The following USP33 variants were observed in gnomAD, a reference collection of about 807,000 sequenced individuals.
USP33 encodes the protein ubiquitin carboxyl-terminal hydrolase 33.
In USP33, 46 loss-of-function variants were observed where a neutral mutation model predicts 124.2. That is an observed-to-expected ratio of 0.37 (90% CI 0.29 to 0.47). The LOEUF is 0.47. USP33 is among the 20% of genes least tolerant of loss of function. The pLI, the probability that USP33 is intolerant of heterozygous loss-of-function variation, is 0.99. For synonymous variants in USP33, 350 were observed against 352.3 expected, an observed-to-expected ratio of 0.99 and a Z score of 0.07; for missense variants, 851 against 1,070.6, an observed-to-expected ratio of 0.79 and a Z score of 2.86.
At chr1:77,704,873 A>G (rs1319348008) in intron 21 of USP33, among the ~76,000 whole-genome samples, 1 of 152,182 alleles carries the variant, frequency 6.6e-6, no homozygotes, top group Non-Finnish European at 1.5e-5. Context: ...TGCTCTACCC[A>G]GGCAGATACC....
chr1:77,702,178 C>A (rs74843404), intron 21 of USP33, among the ~76,000 whole-genome samples: 12,554 of 48,358 alleles, frequency 0.26, 1,721 homozygotes, highest in Admixed American at 0.45. Flanking sequence ...AAAAAAAAAA[C>A]CAGTGGTACA....
intron 1 of USP33, among the ~76,000 whole-genome samples, chr1:77,757,909 A>C (rs887401890): frequency 6.6e-6 from 1 of 152,224 alleles, no homozygotes; most frequent in Non-Finnish European, 1.5e-5. Flanking sequence ...GAAAATTCTA[A>C]TACTACTACA....
At chr1:77,700,263 G>A (rs920317577) in intron 22 of USP33, among the ~76,000 whole-genome samples, 18 of 152,154 alleles carry the variant, frequency 1.2e-4, no homozygotes, top group Non-Finnish European at 2.5e-4. Flanking sequence ...TGCACCTATA[G>A]TCCCAGCTAC....
At chr1:77,732,858 A>G (rs1019368610) in intron 7 of USP33, among the ~76,000 whole-genome samples, 2 of 141,968 alleles carry the variant, frequency 1.4e-5, no homozygotes, top group African/African-American at 5.4e-5. Flanking sequence ...CAATGGCATG[A>G]CCTAGGCTCA....
At chr1:77,715,487 G>A (rs1243929981) in intron 18 of USP33, among the ~76,000 whole-genome samples, 1 of 152,216 alleles carries the variant, frequency 6.6e-6, no homozygotes, top group African/African-American at 2.4e-5. Context: ...TTACAGGCCT[G>A]AGCCACTGTG....
In USP33 at chr1:77,736,230, A is replaced by G. The variant is rs1030190159; in HGVS notation, c.352-72T>C. On this transcript the variant is annotated intron_variant, in intron 5 of 23. Transcript: ENST00000370794. ...AAAAAAAGTTTTAATTGTAACTTAT[A>G]TAACATCTATACCATAAAAATTATT... 33 of 937,052 alleles carry G rather than the reference A, an allele frequency of 3.5e-5. No homozygotes were observed. The African/African-American group carries it at 5.2e-4, about 15-fold the overall frequency. The allele number at this position is 937,052 out of a possible 1,614,324, so 58.0% of individuals were successfully genotyped here.
At chr1:77,724,908 G>A (rs769460033) in intron 11 of USP33, among the ~76,000 whole-genome samples, 1 of 152,062 alleles carries the variant, frequency 6.6e-6, no homozygotes, top group Non-Finnish European at 1.5e-5. Context: ...CAGGCATGGT[G>A]GCGTGCACCT....
chr1:77,718,923 C>T (rs1412794677), intron 15 of USP33, among the ~76,000 whole-genome samples: 15 of 131,438 alleles, frequency 1.1e-4, no homozygotes, highest in African/African-American at 4.3e-4. Context: ...TGAGACCCTG[C>T]CTCAAAAAAA....
chr1:77,699,585 C>G (rs907098232), intron 22 of USP33, among the ~76,000 whole-genome samples: 1 of 152,108 alleles, frequency 6.6e-6, no homozygotes, highest in Non-Finnish European at 1.5e-5. Context: ...CACTTTTACA[C>G]TGTTGGTGGG....
chr1:77,701,629 A>G (rs1674028257), intron 21 of USP33, 158 bp from the exon 22 acceptor site: 2 of 564,548 alleles, frequency 3.5e-6, no homozygotes, highest in South Asian at 2.4e-5. Context: ...TCTGGGCAAC[A>G]TCGTGAGAAC....
intron 5 of USP33, among the ~76,000 whole-genome samples, chr1:77,736,579 T>C (rs1051155341): frequency 6.6e-6 from 1 of 152,094 alleles, no homozygotes; most frequent in African/African-American, 2.4e-5. Flanking sequence ...ACTTCTACAA[T>C]CTCTCCTGAT....
chr1:77,711,568 G>C, intron 21 of USP33, 179 bp downstream of exon 21: 2 of 943,550 alleles, frequency 2.1e-6, no homozygotes, highest in Non-Finnish European at 3.0e-6. Context: ...CACAAAGGGA[G>C]AACATAACTC....
At chr1:77,738,815 C>G (rs2101539006) in intron 5 of USP33, among the ~76,000 whole-genome samples, 1 of 152,240 alleles carries the variant, frequency 6.6e-6, no homozygotes, top group Middle Eastern at 3.4e-3. Context: ...AAGACTGATG[C>G]TAAGCTTTAT....
At chr1:77,736,212 G>T in intron 5 of USP33, 54 bp from the exon 6 acceptor site, 2 of 1,226,606 alleles carry the variant, frequency 1.6e-6, no homozygotes, top group Non-Finnish European at 1.2e-6. Flanking sequence ...TTTAAAAAAA[G>T]TTTTAATTGT....
In USP33 at chr1:77,698,667, A is replaced by AT. The variant is rs570224232; in HGVS notation, c.2510-737dup. ...AGGCACCCACCACCACGCCCAGCTA[A>AT]TTTTTTGTATTTTTAGTAGAGATGG... On this transcript the variant is annotated intron_variant, in intron 22 of 23. Transcript: ENST00000370794. Among the ~76,000 whole-genome samples the AT allele has an allele frequency of 5.2e-3, 777 of 150,732 alleles. 3 individuals carry two copies. Among genetic ancestry groups the AT allele is most frequent in the Non-Finnish European group, 6.0e-3 (407 of 67,638 alleles).
Position 77,723,381 on chromosome 1 carries a change from T to C in USP33, c.1339A>G (p.Ile447Val), listed in dbSNP as rs1458033419. ...HKKYRSVISD[I>V]FDGTIISSVQ... ...GAACTAATGATTGTTCCATCAAATA[T>C]GTCTGAAATAACACTTCTGTATTTC... The change falls in exon 12 of 24, where the codon ATA becomes GTA. Residue 447 changes from isoleucine to valine, a missense_variant. By Grantham distance (29) the Ile-to-Val change is conservative. Coordinates refer to ENST00000370794, the MANE Select transcript of USP33 (RefSeq NM_201624.3). 1 of 1,613,576 alleles carries C rather than the reference T, an allele frequency of 6.2e-7. No homozygotes were observed. Among genetic ancestry groups the C allele is most frequent in the South Asian group, 1.1e-5 (1 of 91,022 alleles).
intron 15 of USP33, among the ~76,000 whole-genome samples, chr1:77,720,165 G>GGA (rs1553193694): frequency 2.6e-4 from 11 of 42,744 alleles, no homozygotes; most frequent in Middle Eastern, 0.033. Context: ...TGTCTCAAAT[G>GGA]AAAAAAAAAA....
intron 19 of USP33, chr1:77,713,559 T>C (rs1021512806): frequency 1.2e-5 from 2 of 172,512 alleles, no homozygotes; most frequent in Non-Finnish European, 1.2e-5. Flanking sequence ...TAACTTTTCT[T>C]TTTTTTTTTT....
At chr1:77,721,712 G>A (rs1207321180) in intron 14 of USP33, 119 bp downstream of exon 14, 15 of 847,878 alleles carry the variant, frequency 1.8e-5, no homozygotes, top group African/African-American at 3.5e-5. Flanking sequence ...ATGCCAATAT[G>A]TGAATGTACT....
Sources: gnomAD v4.1 joint callset for allele counts (sites outside exome capture counted in the v4.1 genomes callset) on GRCh38, gnomAD v4.1.1 for gene constraint, MANE v1.5 for transcripts, NCBI Gene and HGNC (gene_info 2026-07-23, HGNC 2026-07-21) for gene names.